The following ARFGAP1 variants were observed in gnomAD, a reference collection of about 807,000 sequenced individuals.
ARFGAP1 encodes ADP-ribosylation factor GTPase-activating protein 1.
In ARFGAP1, 26 loss-of-function variants were observed where a neutral mutation model predicts 54.0. The observed-to-expected ratio is 0.48, with a 90% CI of 0.35 to 0.67. The LOEUF (loss-of-function observed/expected upper bound fraction) is 0.67. Among genes scored for constraint, ARFGAP1 ranks in the 30% least tolerant of loss-of-function variants. The probability of loss-of-function intolerance (pLI) is 0.00; values close to 1 mark genes in which losing one functional copy is unlikely to be tolerated. For synonymous variants in ARFGAP1, 248 were observed against 211.9 expected, an observed-to-expected ratio of 1.17 and a Z score of -1.48; for missense variants, 525 against 535.8, an observed-to-expected ratio of 0.98 and a Z score of 0.20.
Position 63,276,675 on chromosome 20 carries a change from T to A in ARFGAP1, c.342+24T>A. On this transcript the variant is annotated intron_variant, in intron 4 of 12. Coordinates refer to ENST00000370283, the MANE Select transcript of ARFGAP1 (RefSeq NM_018209.4). The surrounding 1 kb of genome is among the most constrained non-coding windows in gnomAD (Gnocchi z 5.2). The stretch of plus-strand genomic sequence containing the variant: ...AGGTAGAGATGGGCCCGATTCACTC[T>A]TGCCCATGGTGTGGGGCTGCCCTGC... 1 of 1,583,258 alleles carries A rather than the reference T, an allele frequency of 6.3e-7. No homozygotes were observed. The highest frequency in any genetic ancestry group is 8.6e-7 in the Non-Finnish European group (1 of 1,162,546).
Position 63,286,461 on chromosome 20 carries a change from T to C in ARFGAP1, c.911+19T>C. 1 of 1,610,120 alleles carries C rather than the reference T, an allele frequency of 6.2e-7. No homozygotes were observed. The highest frequency in any genetic ancestry group is 8.5e-7 in the Non-Finnish European group (1 of 1,178,016). Reference sequence around the variant, plus strand: ...TGGACAGGTATGCTGTGTCCCCTCCTGGGCCTTGCATCCCACTCCCCTGCC... The same window carrying C: ...TGGACAGGTATGCTGTGTCCCCTCCCGGGCCTTGCATCCCACTCCCCTGCC... On this transcript the variant is annotated intron_variant, in intron 12 of 12. Coordinates refer to ENST00000370283, the MANE Select transcript of ARFGAP1 (RefSeq NM_018209.4).
intron 6 of ARFGAP1, chr20:63,278,497 C>G (rs866981960): frequency 6.5e-6 from 3 of 464,116 alleles, no homozygotes; most frequent in East Asian, 4.1e-5. Context: ...ATTGCAGTGA[C>G]CCCCAGCTGC....
At chr20:63,286,254 T>A in intron 11 of ARFGAP1, 112 bp from the exon 12 acceptor site, 3 of 1,562,002 alleles carry the variant, frequency 1.9e-6, no homozygotes, top group Non-Finnish European at 1.7e-6. Flanking sequence ...TTTCTGGATT[T>A]TGCCTGGGTC....
chr20:63,282,772 C>T lies in ARFGAP1; in HGVS notation c.685-47C>T, dbSNP rs1469756649. The T allele has an allele frequency of 2.5e-6, 4 of 1,608,012 alleles. No homozygotes were observed. The East Asian group carries it at 6.7e-5, about 27-fold the overall frequency. ...GTGGGCCCTGAGGAAGGATGCCTGG[C>T]AGCCCATGTTAAGTCTGTCAAGCCT... On this transcript the variant is annotated intron_variant, in intron 8 of 12. Coordinates refer to ENST00000370283, the MANE Select transcript of ARFGAP1 (RefSeq NM_018209.4).
chr20:63,280,551 G>C lies in ARFGAP1; in HGVS notation c.628-740G>C, dbSNP rs186003308. Reference sequence around the variant, plus strand: ...AAAGCGGATGTCTTCATCTGCAAGAGCCCCCAAGTGTGTGGAGCTTCCAGT... The same window carrying C: ...AAAGCGGATGTCTTCATCTGCAAGACCCCCCAAGTGTGTGGAGCTTCCAGT... On this transcript the variant is annotated intron_variant, in intron 7 of 12. Coordinates refer to ENST00000370283, the MANE Select transcript of ARFGAP1 (RefSeq NM_018209.4). Among the ~76,000 whole-genome samples, 466 of 152,378 alleles carry C rather than the reference G, an allele frequency of 3.1e-3. 5 individuals are homozygous for C. The highest frequency in any genetic ancestry group is 9.8e-3 in the African/African-American group (408 of 41,604).
In ARFGAP1 at chr20:63,281,641, A is replaced by G. The variant is rs535188979; in HGVS notation, c.684+294A>G. On this transcript the variant is annotated intron_variant, in intron 8 of 12. Coordinates refer to ENST00000370283, the MANE Select transcript of ARFGAP1 (RefSeq NM_018209.4). ...GGAGATGTGAGCCCCATTGATTCCTAGACTCCACCCTATCCAAGCAGGGCA... is the reference window on the plus strand; with the variant it reads ...GGAGATGTGAGCCCCATTGATTCCTGGACTCCACCCTATCCAAGCAGGGCA... Among the ~76,000 whole-genome samples the G allele has an allele frequency of 4.2e-3, 640 of 152,222 alleles. 4 individuals carry two copies. Among genetic ancestry groups the G allele is most frequent in the African/African-American group, 0.015 (605 of 41,528 alleles).
In ARFGAP1 at chr20:63,276,730, G is replaced by A. The variant is rs1006318530; in HGVS notation, c.342+79G>A. On this transcript the variant is annotated intron_variant, in intron 4 of 12. Coordinates refer to ENST00000370283, the MANE Select transcript of ARFGAP1 (RefSeq NM_018209.4). The surrounding 1 kb of genome is among the most constrained non-coding windows in gnomAD (Gnocchi z 5.2). ...TGTGGCAGCTGGACTGTGGCCTTTA[G>A]TGGTTCTGGAGTCGGTTCTTCTGCT... is the stretch of plus-strand genomic sequence containing the variant. 6 of 1,479,280 alleles carry A rather than the reference G, an allele frequency of 4.1e-6. No individual in the cohort carries two copies. The African/African-American group carries it at 7.0e-5, about 17-fold the overall frequency. The allele number at this position is 1,479,280 out of a possible 1,614,324, so 91.6% of individuals were successfully genotyped here. A position where few individuals can be genotyped will look rare whatever the true frequency, so the allele number is the denominator to read the frequency against.
rs1343843819 is a variant in ARFGAP1 at position 63,277,304 on chromosome 20, C to T, written c.442C>T (p.Arg148Ter). ...QPRTLPSMVH[R>*]VSGQPQSVTA... The stretch of plus-strand genomic sequence containing the variant: ...CAGGACGCTGCCGTCCATGGTGCAC[C>T]GGTAGCTGCTCCTCGTGGGGCCTTA... Residue 148 changes from arginine to a stop codon, truncating the protein, a stop_gained and splice_region_variant, in exon 5 of 13, where the codon CGA becomes TGA. Transcript: ENST00000370283. LOFTEE classifies it high-confidence loss of function. The T allele has an allele frequency of 8.7e-6, 14 of 1,611,342 alleles. No individual in the cohort carries two copies. Among genetic ancestry groups the T allele is most frequent in the South Asian group, 1.1e-5 (1 of 90,944 alleles).
chr20:63,276,779 A>T lies in ARFGAP1; in HGVS notation c.342+128A>T. ...CTGGTTCTGACACACCCACTGGGCC[A>T]CACACAACTTGCCGCCCTGGAGCAG... On this transcript the variant is annotated intron_variant, in intron 4 of 12. Transcript: ENST00000370283. This position sits in a 1 kb window ranked among gnomAD's most constrained non-coding sequence, Gnocchi z 5.2. 8.7e-7 allele frequency: 1 copy of T among 1,147,642 alleles called. No individual in the cohort carries two copies. The highest frequency in any genetic ancestry group is 1.2e-6 in the Non-Finnish European group (1 of 833,384). 71.1% of individuals were successfully genotyped at this position (1,147,642 alleles called of 1,614,324 possible).
At chr20:63,278,670 G>A in intron 6 of ARFGAP1, 5 of 562,560 alleles carry the variant, frequency 8.9e-6, no homozygotes. Context: ...TTCTGTGGCT[G>A]GCTTTGGGGA....
At chr20:63,274,273 G>C (rs1474468713) in intron 1 of ARFGAP1, 1 of 115,414 alleles carries the variant, frequency 8.7e-6, no homozygotes, top group African/African-American at 3.1e-5. Flanking sequence ...GGAGTCATGG[G>C]CTTCAGAATT....
At chr20:63,286,858 CG>C (rs993519005) in intron 12 of ARFGAP1, 2 of 197,652 alleles carry the variant, frequency 1.0e-5, no homozygotes, top group East Asian at 1.4e-4. Flanking sequence ...TGGAGCAGGT[CG>C]GGGGCCAGGG....
At position 63,283,145 on chromosome 20, in the gene ARFGAP1, G is replaced by A. The variant is rs554114401; in HGVS notation, c.717+294G>A. The A allele has an allele frequency of 6.8e-5, 33 of 486,764 alleles. 1 individual carries two copies. The Admixed American group carries it at 8.5e-4, about 12-fold the overall frequency. The allele number at this position is 486,764 out of a possible 1,614,324, so 30.2% of individuals were successfully genotyped here. The stretch of plus-strand genomic sequence containing the variant: ...CACCTTGTTGGGAGCAGGACTGCCC[G>A]GCTTGGCAGATGGCCCACGCTGGCG... On this transcript the variant is annotated intron_variant, in intron 9 of 12. Coordinates refer to ENST00000370283, the MANE Select transcript of ARFGAP1 (RefSeq NM_018209.4).
chr20:63,287,500 A>T lies in ARFGAP1; in HGVS notation c.912-64A>T. ...GTCCAGGTGCAGAGCTCTCGGGGGCACAGAATTCCCAGTGGTGGACTGAGT... is the reference window on the plus strand; with the variant it reads ...GTCCAGGTGCAGAGCTCTCGGGGGCTCAGAATTCCCAGTGGTGGACTGAGT... On this transcript the variant is annotated intron_variant, in intron 12 of 12. Transcript: ENST00000370283. 3 of 1,464,424 alleles carry T rather than the reference A, an allele frequency of 2.0e-6. No individual in the cohort carries two copies. The South Asian group carries it at 4.1e-5, about 20-fold the overall frequency. 90.7% of individuals were successfully genotyped at this position (1,464,424 alleles called of 1,614,324 possible). A position where few individuals can be genotyped will look rare whatever the true frequency, so the allele number is the denominator to read the frequency against.
At chr20:63,281,169 A>G (rs2067370673) in intron 7 of ARFGAP1, 122 bp from the exon 8 acceptor site, 1 of 1,039,548 alleles carries the variant, frequency 9.6e-7, no homozygotes, top group Non-Finnish European at 1.4e-6. Flanking sequence ...CGGTGGGGTC[A>G]GGATGGGACG....
rs1045685045 is a variant in ARFGAP1 at position 63,276,062 on chromosome 20, C to G, written c.61-29C>G. The G allele has an allele frequency of 6.2e-7, 1 of 1,602,946 alleles. No individual in the cohort carries two copies. Among genetic ancestry groups the G allele is most frequent in the East Asian group, 2.2e-5 (1 of 44,820 alleles). On this transcript the variant is annotated intron_variant, in intron 2 of 12. Transcript: ENST00000370283. The surrounding 1 kb of genome is among the most constrained non-coding windows in gnomAD (Gnocchi z 5.2). ...GTCCCTGGGCTCTGCCCTGAGCCACCTGGTGAGTCACTTGTGGCCCCTTTG... is the reference window on the plus strand; with the variant it reads ...GTCCCTGGGCTCTGCCCTGAGCCACGTGGTGAGTCACTTGTGGCCCCTTTG...
chr20:63,278,885 C>A lies in ARFGAP1; in HGVS notation c.531-14C>A. 1.9e-6 allele frequency: 3 copies of A among 1,613,790 alleles called. No individual in the cohort carries two copies. The highest frequency in any genetic ancestry group is 1.7e-4 in the Middle Eastern group (1 of 6,060). ...ATGCCAGCATCTTCGGCCTCTTGTC[C>A]GCTTTGTTTTCAGGGCCCAGGGGAA... On this transcript the variant is annotated splice_polypyrimidine_tract_variant and intron_variant, in intron 6 of 12. Coordinates refer to ENST00000370283, the MANE Select transcript of ARFGAP1 (RefSeq NM_018209.4).
At chr20:63,283,782 C>T (rs887933348) in intron 9 of ARFGAP1, 48 of 1,582,658 alleles carry the variant, frequency 3.0e-5, no homozygotes, top group Non-Finnish European at 3.6e-5. Flanking sequence ...GGTTCGAAGG[C>T]GCTGCTGGTT....
Position 63,276,407 on chromosome 20 carries a change from G to C in ARFGAP1, c.171-73G>C. 6.4e-7 allele frequency: 1 copy of C among 1,551,034 alleles called. No individual in the cohort carries two copies. Among genetic ancestry groups the C allele is most frequent in the South Asian group, 1.2e-5 (1 of 81,708 alleles). ...TGCTGCTTGCTGTGTCTAATTCTCA[G>C]GACGATGCTGGGTGGAGGGTGTCCC... On this transcript the variant is annotated intron_variant, in intron 3 of 12. Coordinates refer to ENST00000370283, the MANE Select transcript of ARFGAP1 (RefSeq NM_018209.4). This position sits in a 1 kb window ranked among gnomAD's most constrained non-coding sequence, Gnocchi z 5.2.
Sources: gnomAD v4.1 joint callset for allele counts (sites outside exome capture counted in the v4.1 genomes callset) on GRCh38, gnomAD v4.1.1 for gene constraint, Gnocchi (gnomAD v3.1) non-coding constraint, MANE v1.5 for transcripts, NCBI Gene and HGNC (gene_info 2026-07-23, HGNC 2026-07-21) for gene names.